The following MED13L variants were observed in gnomAD, a reference collection of about 807,000 sequenced individuals.
MED13L encodes the protein mediator of RNA polymerase II transcription subunit 13-like.
MED13L carries 7 observed loss-of-function variants against 220.9 expected under a neutral mutation model. That is an observed-to-expected ratio of 0.03 (90% CI 0.02 to 0.06). The LOEUF (loss-of-function observed/expected upper bound fraction) is 0.06, where lower values mean the gene tolerates loss of function less well. Among genes scored for constraint, MED13L ranks in the 10% least tolerant of loss-of-function variants. MED13L has a pLI of 1.00. For synonymous variants in MED13L, 1,011 were observed against 1,015.2 expected (o/e 1.00, Z 0.08); for missense variants, 1,965 against 2,760.5 (o/e 0.71, Z 6.46).
At chr12:115,975,420 T>A in intron 24 of MED13L, 95 bp downstream of exon 24, 1 of 1,593,660 alleles carries the variant, frequency 6.3e-7, no homozygotes, top group Non-Finnish European at 8.6e-7. Flanking sequence ...ATCCATGCTG[T>A]ACCCACTTCA....
intron 2 of MED13L, among the ~76,000 whole-genome samples, chr12:116,206,917 T>A (rs1479510350): frequency 1.3e-5 from 2 of 152,030 alleles, no homozygotes; most frequent in African/African-American, 4.8e-5. Context: ...CAAAATAAGA[T>A]GAAACAAAAG....
intron 1 of MED13L, among the ~76,000 whole-genome samples, chr12:116,263,254 C>T (rs1872625763): frequency 6.6e-6 from 1 of 151,566 alleles, no homozygotes; most frequent in Admixed American, 6.6e-5. Flanking sequence ...GATTCCCATT[C>T]TCTTTTATTA....
chr12:116,086,241 G>C (rs541654165), intron 4 of MED13L, among the ~76,000 whole-genome samples: 1 of 150,804 alleles, frequency 6.6e-6, no homozygotes, highest in Non-Finnish European at 1.5e-5. Flanking sequence ...CACAGTTTCC[G>C]TAAAATGTAG....
At chr12:116,007,303 C>A in intron 11 of MED13L, 108 bp downstream of exon 11, 1 of 983,578 alleles carries the variant, frequency 1.0e-6, no homozygotes, top group Non-Finnish European at 1.6e-6. Flanking sequence ...ACAGAGCAAT[C>A]AGGCAAGACT....
rs564195974 is a variant in MED13L at position 116,015,416 on chromosome 12, A to G, written c.1010-142T>C. On this transcript the variant is annotated intron_variant, in intron 7 of 30. Transcript: ENST00000281928. Reference sequence around the variant, plus strand: ...TTTTTCCCTATCCCCTGGCAATAACACTATCTATAATCATGAGTAAAATTT... The same window carrying G: ...TTTTTCCCTATCCCCTGGCAATAACGCTATCTATAATCATGAGTAAAATTT... 10 of 846,264 alleles carry G rather than the reference A, an allele frequency of 1.2e-5. No homozygotes were observed. The East Asian group carries it at 2.4e-4, about 20-fold the overall frequency. The allele number at this position is 846,264 out of a possible 1,614,324, so 52.4% of individuals were successfully genotyped here.
Position 116,183,804 on chromosome 12 carries a change from GTGTGTGTGTGTGTGTA to G in MED13L, c.310+53648_310+53663del, listed in dbSNP as rs1210276286. On this transcript the variant is annotated intron_variant, in intron 2 of 30. Coordinates refer to ENST00000281928, the MANE Select transcript of MED13L (RefSeq NM_015335.5). ...CATAAATTCTTGTGTAGAAAAAATGGTGTGTGTGTGTGTGTATGTGTGTGTGTGTGTGTGTGTGTAA... is the reference window on the plus strand; with the variant it reads ...CATAAATTCTTGTGTAGAAAAAATGGTGTGTGTGTGTGTGTGTGTGTGTAA... Among the ~76,000 whole-genome samples, 68 of 35,036 alleles carry G rather than the reference GTGTGTGTGTGTGTGTA, an allele frequency of 1.9e-3. 1 individual carries two copies. Among genetic ancestry groups the G allele is most frequent in the African/African-American group, 6.4e-3 (64 of 10,074 alleles). The allele number at this position is 35,036 out of a possible 152,430, so 23.0% of individuals were successfully genotyped here.
chr12:116,008,781 A>T lies in MED13L; in HGVS notation c.1632T>A (p.Pro544=). The T allele has an allele frequency of 3.7e-6, 6 of 1,613,980 alleles. No homozygotes were observed. The highest frequency in any genetic ancestry group is 5.1e-6 in the Non-Finnish European group (6 of 1,179,964). The change falls in exon 10 of 31, where the codon CCT becomes CCA. Residue 544 remains proline, a synonymous_variant. Transcript: ENST00000281928. ...ATATAGGGGAATGAGGTGAATCCAT[A>T]GGATTCAGATTCATTTGCTTGCTTG... ...RNTSKQMNLN[P]MDSPHSPISP... is the part of the protein sequence containing the mutation.
chr12:116,060,303 C>T (rs991431564), intron 4 of MED13L, among the ~76,000 whole-genome samples: 1 of 151,958 alleles, frequency 6.6e-6, no homozygotes, highest in African/African-American at 2.4e-5. Flanking sequence ...ACAGGCCGGG[C>T]GTGGTAACTC....
chr12:116,171,661 G>C (rs760042178), intron 2 of MED13L, among the ~76,000 whole-genome samples: 1 of 152,158 alleles, frequency 6.6e-6, no homozygotes, highest in Non-Finnish European at 1.5e-5. Context: ...TATCTCTGAT[G>C]AAGATAAAGG....
At position 116,265,578 on chromosome 12, in the gene MED13L, T is replaced by C. The variant is rs559871695; in HGVS notation, c.72+11482A>G. Among the ~76,000 whole-genome samples the C allele has an allele frequency of 7.9e-5, 12 of 152,358 alleles. No individual in the cohort carries two copies. The South Asian group carries it at 1.2e-3, about 16-fold the overall frequency. On this transcript the variant is annotated intron_variant, in intron 1 of 30. Transcript: ENST00000281928. ...CACGTCTGTCCAGTTTCTGAAATAT[T>C]TGTCACTTTAGTCATTAGCATTTTG...
chr12:116,079,248 G>C (rs1431574842), intron 4 of MED13L, among the ~76,000 whole-genome samples: 2 of 151,952 alleles, frequency 1.3e-5, no homozygotes, highest in African/African-American at 4.8e-5. Flanking sequence ...TTTTTGAGAT[G>C]GTCTCGCTCT....
At chr12:116,253,786 G>A (rs1871795245) in intron 1 of MED13L, among the ~76,000 whole-genome samples, 1 of 104,750 alleles carries the variant, frequency 9.5e-6, no homozygotes, top group African/African-American at 3.9e-5. Flanking sequence ...TTTTGAGACA[G>A]TCTCACTCTG....
At chr12:116,158,132 C>A (rs1033537293) in intron 2 of MED13L, among the ~76,000 whole-genome samples, 1 of 146,768 alleles carries the variant, frequency 6.8e-6, no homozygotes, top group Non-Finnish European at 1.5e-5. Flanking sequence ...GAACGCAGGT[C>A]AGAGCAGAAA....
chr12:116,152,371 T>C (rs944013246), intron 2 of MED13L, among the ~76,000 whole-genome samples: 1 of 152,218 alleles, frequency 6.6e-6, no homozygotes, highest in African/African-American at 2.4e-5. Flanking sequence ...TAAGATATTG[T>C]TTGTGGTTTT....
At chr12:116,156,286 T>C (rs1473999974) in intron 2 of MED13L, among the ~76,000 whole-genome samples, 1 of 151,540 alleles carries the variant, frequency 6.6e-6, no homozygotes, top group African/African-American at 2.4e-5. Flanking sequence ...CTGAAGCATA[T>C]ATTATACATA....
At chr12:116,164,946 G>T (rs892138600) in intron 2 of MED13L, among the ~76,000 whole-genome samples, 2 of 152,304 alleles carry the variant, frequency 1.3e-5, no homozygotes, top group African/African-American at 4.8e-5. Context: ...AAGTGTAGCT[G>T]GAGCATAAAC....
intron 2 of MED13L, among the ~76,000 whole-genome samples, chr12:116,222,296 TCACA>T (rs1868517268): frequency 6.6e-6 from 1 of 152,194 alleles, no homozygotes; most frequent in African/African-American, 2.4e-5. Flanking sequence ...CAATGACACG[TCACA>T]GAAGTGGCAT....
intron 4 of MED13L, among the ~76,000 whole-genome samples, chr12:116,047,030 T>C (rs1411077590): frequency 6.6e-6 from 1 of 152,052 alleles, no homozygotes; most frequent in Non-Finnish European, 1.5e-5. Context: ...AAGTAGGCTC[T>C]TCACCCAAGT....
At chr12:116,232,270 T>C in intron 2 of MED13L, 1 of 221,924 alleles carries the variant, frequency 4.5e-6, no homozygotes, top group Non-Finnish European at 7.6e-6. Context: ...CTGATACTGT[T>C]ATAGGGACAA....
Sources: gnomAD v4.1 joint callset for allele counts (sites outside exome capture counted in the v4.1 genomes callset) on GRCh38, gnomAD v4.1.1 for gene constraint, MANE v1.5 for transcripts, NCBI Gene and HGNC (gene_info 2026-07-23, HGNC 2026-07-21) for gene names.